KRT7: variants seen among roughly 807,000 people sequenced by gnomAD.
KRT7 encodes keratin 7.
A neutral mutation model predicts 42.8 loss-of-function variants in KRT7; 50 were observed. That is an observed-to-expected ratio of 1.17 (90% CI 0.93 to 1.48). KRT7 has a LOEUF of 1.48. KRT7 is among the 40% of genes most tolerant of loss of function. The pLI, the probability that KRT7 is intolerant of heterozygous loss-of-function variation, is 0.00. For synonymous variants in KRT7, 268 were observed against 266.3 expected (o/e 1.01, Z -0.06); for missense variants, 588 against 637.6 (o/e 0.92, Z 0.84).
rs910787617 is a variant in KRT7, at chr12:52,248,791, A to G, written c.*31A>G. The G allele has an allele frequency of 3.3e-6, 5 of 1,497,194 alleles. No homozygotes were observed. Among genetic ancestry groups the G allele is most frequent in the Non-Finnish European group, 4.4e-6 (5 of 1,125,458 alleles). 92.7% of individuals were successfully genotyped at this position (1,497,194 alleles called of 1,614,324 possible). ...CTCCCACCACTCCACTCCTCCAGCC[A>G]CCACCCACAATCACAAGAAGATTCC... On this transcript the variant is annotated 3_prime_UTR_variant, in exon 9 of 9. Transcript: ENST00000331817.
chr12:52,237,136 T>C (rs1055013462), intron 2 of KRT7, among the ~76,000 whole-genome samples: 20 of 152,330 alleles, frequency 1.3e-4, no homozygotes, highest in South Asian at 4.1e-4. Context: ...ACCATCGTTA[T>C]AGGTTTGCTG....
At chr12:52,253,284 T>C (rs1942295040), downstream of KRT7, 1 of 1,612,748 alleles carries the variant, frequency 6.2e-7, no homozygotes, top group East Asian at 2.2e-5. Context: ...ATCTCCTCCT[T>C]GGTGCGGCGC....
chr12:52,240,120 T>C (rs755700330), intron 4 of KRT7, among the ~76,000 whole-genome samples: 3 of 152,122 alleles, frequency 2.0e-5, no homozygotes, highest in Non-Finnish European at 4.4e-5. Flanking sequence ...CAGGTCTTCC[T>C]GGGTCTATCA....
chr12:52,239,679 A>T (rs1454539509), intron 4 of KRT7, among the ~76,000 whole-genome samples: 1 of 152,100 alleles, frequency 6.6e-6, no homozygotes, highest in Admixed American at 6.5e-5. Context: ...CAGGGTTCAA[A>T]GGTGGGCTAG....
intron 6 of KRT7, 108 bp downstream of exon 6, chr12:52,243,245 C>T: frequency 7.7e-7 from 1 of 1,299,220 alleles, no homozygotes; most frequent in Non-Finnish European, 1.0e-6. Context: ...CCGGCCAAAG[C>T]TGGTGCCACT....
intron 2 of KRT7, 60 bp from the exon 3 acceptor site, chr12:52,237,449 G>T: frequency 8.0e-7 from 1 of 1,249,278 alleles, no homozygotes; most frequent in Non-Finnish European, 1.2e-6. Flanking sequence ...GCATATGGCG[G>T]AGGGGGGACG....
chr12:52,237,540 G>A lies in KRT7; in HGVS notation c.568G>A (p.Ala190Thr). 2 of 1,612,296 alleles carry A rather than the reference G, an allele frequency of 1.2e-6. No homozygotes were observed. The highest frequency in any genetic ancestry group is 1.1e-5 in the South Asian group (1 of 90,786). Residue 190 changes from alanine to threonine, a missense_variant, in exon 3 of 9, where the codon GCT becomes ACT. Transcript: ENST00000331817. ...YEDEINHRTAAENEFVVLKKD... is the reference protein window; with the variant it reads ...YEDEINHRTATENEFVVLKKD... ...AGATGAAATTAACCACCGCACAGCT[G>A]CTGAGAATGAGTTTGTGGTGCTGAA...
At chr12:52,248,489 G>A in intron 8 of KRT7, 102 bp from the exon 9 acceptor site, 1 of 1,254,832 alleles carries the variant, frequency 8.0e-7, no homozygotes. Context: ...GCAGGGGTGA[G>A]GGAGAGGGGC....
chr12:52,244,280 T>A, intron 6 of KRT7: 1 of 977,526 alleles, frequency 1.0e-6, no homozygotes. Flanking sequence ...GTGGGCCAGC[T>A]TCCAGGCCAG....
chr12:52,251,366 T>C (rs1942264553), downstream of KRT7, among the ~76,000 whole-genome samples: 1 of 152,192 alleles, frequency 6.6e-6, no homozygotes, highest in South Asian at 2.1e-4. Context: ...ACACTAATAC[T>C]AACGGTAGCT....
chr12:52,246,544 G>A (rs1942174595), intron 7 of KRT7: 2 of 152,492 alleles, frequency 1.3e-5, no homozygotes, highest in African/African-American at 4.8e-5. Flanking sequence ...AGGGGTGCTA[G>A]GGCCGAGGGC....
At chr12:52,248,254 G>C (rs1942206323) in intron 8 of KRT7, 43 bp downstream of exon 8, 1 of 1,598,972 alleles carries the variant, frequency 6.3e-7, no homozygotes, top group African/African-American at 1.3e-5. Context: ...CCCTTGTGCT[G>C]TTTAGATGGG....
chr12:52,252,574 G>C, downstream of KRT7: 2 of 1,478,356 alleles, frequency 1.4e-6, no homozygotes, highest in Non-Finnish European at 1.8e-6. Flanking sequence ...AGAAGAAAAA[G>C]AGGCCTTGTC....
chr12:52,239,633 G>A (rs1326743898), intron 4 of KRT7, among the ~76,000 whole-genome samples: 1 of 152,076 alleles, frequency 6.6e-6, no homozygotes, highest in African/African-American at 2.4e-5. Flanking sequence ...GGGACTGGAA[G>A]GAACCAGGAG....
chr12:52,250,651 G>T, downstream of KRT7: 3 of 696,404 alleles, frequency 4.3e-6, no homozygotes, highest in South Asian at 3.0e-5. Flanking sequence ...CCTGCCAGAG[G>T]GGGAGGACAG....
At chr12:52,250,458 T>TG (rs1942246468), downstream of KRT7, 1 of 554,274 alleles carries the variant, frequency 1.8e-6, no homozygotes, top group Non-Finnish European at 3.4e-6. Flanking sequence ...CGGTACAAAG[T>TG]GGGGCGCTCA....
At chr12:52,250,380 C>T (rs1942245641), downstream of KRT7, 3 of 369,950 alleles carry the variant, frequency 8.1e-6, no homozygotes, top group Non-Finnish European at 1.0e-5. Context: ...CCTCCTTCCC[C>T]ACGTCTGGGG....
intron 3 of KRT7, among the ~76,000 whole-genome samples, chr12:52,238,262 T>C (rs1045548096): frequency 3.3e-4 from 50 of 152,192 alleles, no homozygotes; most frequent in African/African-American, 1.2e-3. Context: ...ATTAAAAACA[T>C]AGCTTGGAGA....
At chr12:52,234,510 A>G (rs1049484848) in intron 1 of KRT7, among the ~76,000 whole-genome samples, 1 of 151,750 alleles carries the variant, frequency 6.6e-6, no homozygotes, top group Admixed American at 6.6e-5. Context: ...CCGGTCTTTT[A>G]GATTTCATAG....
Sources: gnomAD v4.1 joint callset for allele counts (sites outside exome capture counted in the v4.1 genomes callset) on GRCh38, gnomAD v4.1.1 for gene constraint, MANE v1.5 for transcripts, NCBI Gene and HGNC (gene_info 2026-07-23, HGNC 2026-07-21) for gene names.